The following MROH9 variants were observed in gnomAD, a reference collection of about 807,000 sequenced individuals.
MROH9 encodes the protein maestro heat like repeat family member 9, also known as maestro heat-like repeat-containing protein family member 9.
Under a neutral mutation model 98.2 loss-of-function variants are expected in MROH9, and 92 were observed. The observed-to-expected ratio is 0.94, with a 90% CI of 0.79 to 1.11. The LOEUF is 1.11. Among genes scored for constraint, MROH9 ranks in the 50% most tolerant of loss-of-function variants. The pLI is 0.00. For synonymous variants in MROH9, 397 were observed against 368.9 expected (o/e 1.08, Z -0.87); for missense variants, 1,057 against 1,014.8 (o/e 1.04, Z -0.57).
At chr1:171,005,214 G>A (rs1168491829) in intron 15 of MROH9, among the ~76,000 whole-genome samples, 1 of 151,946 alleles carries the variant, frequency 6.6e-6, no homozygotes, top group Non-Finnish European at 1.5e-5. Flanking sequence ...ATAGGTGCAT[G>A]CCACCATGCT....
chr1:171,007,374 T>C (rs112196432), intron 15 of MROH9, among the ~76,000 whole-genome samples: 8 of 152,156 alleles, frequency 5.3e-5, no homozygotes, highest in African/African-American at 1.7e-4. Flanking sequence ...AGTACACAGA[T>C]GGGTGTAGCT....
At chr1:170,966,138 T>C (rs1650228878) in intron 7 of MROH9, among the ~76,000 whole-genome samples, 1 of 152,110 alleles carries the variant, frequency 6.6e-6, no homozygotes, top group Non-Finnish European at 1.5e-5. Context: ...TAAAGTTTAG[T>C]AACACAAAAT....
intron 15 of MROH9, among the ~76,000 whole-genome samples, chr1:171,008,339 A>T (rs1557896027): frequency 6.6e-6 from 1 of 152,192 alleles, no homozygotes; most frequent in Non-Finnish European, 1.5e-5. Context: ...TATGATTGGA[A>T]CTTGACTTAT....
intron 20 of MROH9, among the ~76,000 whole-genome samples, chr1:171,036,619 C>T (rs61816869): frequency 0.094 from 14,282 of 151,584 alleles, 777 homozygotes; most frequent in Middle Eastern, 0.17. Flanking sequence ...TTAGTAATAT[C>T]AGATAAATTA....
At chr1:170,978,633 G>A (rs77945399) in intron 8 of MROH9, among the ~76,000 whole-genome samples, 1,798 of 152,216 alleles carry the variant, frequency 0.012, 59 homozygotes, top group East Asian at 0.12. Flanking sequence ...AATTGCAGTC[G>A]CGGAGGTATT....
chr1:171,035,339 T>C (rs891739325), intron 20 of MROH9, among the ~76,000 whole-genome samples: 1 of 151,718 alleles, frequency 6.6e-6, no homozygotes, highest in Non-Finnish European at 1.5e-5. Flanking sequence ...CAAATAATCA[T>C]GTAAAACATG....
chr1:170,957,589 C>A (rs1557872995), intron 3 of MROH9, among the ~76,000 whole-genome samples: 2 of 152,090 alleles, frequency 1.3e-5, no homozygotes, highest in Non-Finnish European at 2.9e-5. Context: ...AGCTTGAAAT[C>A]ATAACTGTAA....
intron 8 of MROH9, among the ~76,000 whole-genome samples, chr1:170,980,377 G>A (rs1650883491): frequency 6.6e-6 from 1 of 152,134 alleles, no homozygotes; most frequent in Non-Finnish European, 1.5e-5. Context: ...TATGGTACTT[G>A]TACCAAACAT....
chr1:171,056,834 T>C (rs1051915190), intron 20 of MROH9, among the ~76,000 whole-genome samples: 10 of 152,108 alleles, frequency 6.6e-5, no homozygotes, highest in African/African-American at 2.4e-4. Flanking sequence ...GAATAGGGCA[T>C]GAAGTGGACC....
chr1:170,958,480 T>G lies in MROH9; in HGVS notation c.92T>G (p.Leu31Arg), dbSNP rs200880511. Residue 31 changes from leucine to arginine, a missense_variant, in exon 4 of 22, where the codon CTA becomes CGA. Physicochemically the swap from Leu to Arg is moderately radical, Grantham distance 102. Coordinates refer to ENST00000367759, the MANE Select transcript of MROH9 (RefSeq NM_001163629.2). ...ACTTAGGCACATAAAGTTAACAGCC[T>G]ATTGGATGCATACTCAGGCCTGTTA... ...WHHMAHKVNSLLDAYSGLLSN... is the reference protein window; with the variant it reads ...WHHMAHKVNSRLDAYSGLLSN... 1.5e-5 allele frequency: 24 copies of G among 1,581,298 alleles called. No homozygotes were observed. Among genetic ancestry groups the G allele is most frequent in the Non-Finnish European group, 1.3e-5 (15 of 1,155,166 alleles).
Position 171,062,199 on chromosome 1 carries a change from G to A in MROH9, c.2344+5G>A. The stretch of plus-strand genomic sequence containing the variant: ...AAATCGAAGTCATGCTTGATGGTGA[G>A]TATTGAGGTTATAACAAAATCTTTA... On this transcript the variant is annotated splice_donor_5th_base_variant and intron_variant, in intron 21 of 21. Coordinates refer to ENST00000367759, the MANE Select transcript of MROH9 (RefSeq NM_001163629.2). The A allele has an allele frequency of 6.5e-7, 1 of 1,540,084 alleles. No homozygotes were observed. The highest frequency in any genetic ancestry group is 2.5e-5 in the East Asian group (1 of 40,810).
intron 20 of MROH9, among the ~76,000 whole-genome samples, chr1:171,051,734 C>T (rs113144604): frequency 0.012 from 1,866 of 152,214 alleles, 34 homozygotes; most frequent in African/African-American, 0.042. Context: ...ACATGTATCC[C>T]AGAACTTAAA....
At chr1:171,059,047 C>T (rs1238925678) in intron 20 of MROH9, among the ~76,000 whole-genome samples, 7 of 152,116 alleles carry the variant, frequency 4.6e-5, no homozygotes, top group Non-Finnish European at 1.0e-4. Context: ...TTAGGGTGAA[C>T]AGGCAACCTA....
chr1:170,958,738 T>C (rs911241688), intron 4 of MROH9, among the ~76,000 whole-genome samples, 198 bp downstream of exon 4: 1 of 152,252 alleles, frequency 6.6e-6, no homozygotes, highest in Non-Finnish European at 1.5e-5. Context: ...TTCTAGCTGC[T>C]GAGGCAAGCT....
chr1:171,003,465 T>G (rs1169999207), intron 15 of MROH9, among the ~76,000 whole-genome samples: 1 of 152,228 alleles, frequency 6.6e-6, no homozygotes, highest in Non-Finnish European at 1.5e-5. Context: ...CCTCTTTTCC[T>G]GTGGATGTGG....
At chr1:170,998,512 A>T in intron 15 of MROH9, 1 of 1,450,820 alleles carries the variant, frequency 6.9e-7, no homozygotes, top group Non-Finnish European at 9.0e-7. Flanking sequence ...AGGGGTGTGA[A>T]TTTGTACAAA....
chr1:170,977,487 G>T (rs142374686), intron 8 of MROH9, among the ~76,000 whole-genome samples: 2 of 152,304 alleles, frequency 1.3e-5, no homozygotes, highest in Non-Finnish European at 2.9e-5. Context: ...GGTAGGGTAT[G>T]TTAGTGAGAT....
chr1:170,984,225 G>A (rs556922443), intron 9 of MROH9, among the ~76,000 whole-genome samples: 2 of 152,286 alleles, frequency 1.3e-5, no homozygotes, highest in South Asian at 2.1e-4. Flanking sequence ...CGTTAGGCTA[G>A]CTCATCTCTT....
intron 9 of MROH9, among the ~76,000 whole-genome samples, chr1:170,983,983 A>T (rs1238651315): frequency 1.3e-5 from 2 of 152,378 alleles, no homozygotes; most frequent in East Asian, 1.9e-4. Flanking sequence ...ATAAAAATTT[A>T]AAAAGCCTAC....
Sources: allele counts gnomAD v4.1 joint callset (sites outside exome capture counted in the v4.1 genomes callset), GRCh38; gene constraint gnomAD v4.1.1; transcripts MANE v1.5; gene names NCBI Gene and HGNC (gene_info 2026-07-23, HGNC 2026-07-21).